STAU2: variants seen among roughly 807,000 people sequenced by gnomAD.
The protein encoded by STAU2 is staufen double-stranded RNA binding protein 2, also known as double-stranded RNA-binding protein Staufen homolog 2.
A neutral mutation model predicts 65.9 loss-of-function variants in STAU2; 20 were observed. The observed-to-expected ratio is 0.30, with a 90% CI of 0.21 to 0.44. The LOEUF is 0.44. Among genes scored for constraint, STAU2 ranks in the 20% least tolerant of loss-of-function variants. The pLI is 1.00. For synonymous variants in STAU2, 232 were observed against 233.9 expected, an observed-to-expected ratio of 0.99 and a Z score of 0.07; for missense variants, 558 against 683.9, an observed-to-expected ratio of 0.82 and a Z score of 2.05.
chr8:73,731,881 G>A (rs779783299), intron 3 of STAU2, among the ~76,000 whole-genome samples: 1 of 152,314 alleles, frequency 6.6e-6, no homozygotes, highest in East Asian at 1.9e-4. Flanking sequence ...AGAGGTTGCA[G>A]TGAGCTGAGA....
chr8:73,457,558 C>T (rs1051096130), intron 13 of STAU2, among the ~76,000 whole-genome samples: 3 of 152,178 alleles, frequency 2.0e-5, no homozygotes, highest in South Asian at 4.1e-4. Context: ...AAAGATATGC[C>T]GCCAAAATAA....
chr8:73,656,345 T>C (rs535614891), intron 6 of STAU2, among the ~76,000 whole-genome samples: 8 of 152,362 alleles, frequency 5.3e-5, no homozygotes, highest in African/African-American at 1.9e-4. Flanking sequence ...CACTGTGATC[T>C]ACCATCAGAA....
At chr8:73,479,708 T>TACA (rs200620247) in intron 13 of STAU2, among the ~76,000 whole-genome samples, 6 of 112,838 alleles carry the variant, frequency 5.3e-5, no homozygotes, top group South Asian at 4.3e-4. Flanking sequence ...TACACTTAAA[T>TACA]ATACGTGTGT....
In STAU2 at chr8:73,595,334, T is replaced by C. The variant is rs190761973; in HGVS notation, c.1030-37A>G. ...AAAGAAATAAATTAAAGAAATACATTTATGATAAATTTAAACAGGAAGTCC... is the reference window on the plus strand; with the variant it reads ...AAAGAAATAAATTAAAGAAATACATCTATGATAAATTTAAACAGGAAGTCC... On this transcript the variant is annotated intron_variant, in intron 10 of 14. Coordinates refer to ENST00000524300, the MANE Select transcript of STAU2 (RefSeq NM_001164380.2). The C allele has an allele frequency of 5.7e-3, 8,696 of 1,535,668 alleles. 38 individuals are homozygous for C. The highest frequency in any genetic ancestry group is 0.01 in the Middle Eastern group (55 of 5,352).
At chr8:73,640,773 G>C (rs1814901121) in intron 6 of STAU2, among the ~76,000 whole-genome samples, 1 of 152,110 alleles carries the variant, frequency 6.6e-6, no homozygotes, top group South Asian at 2.1e-4. Flanking sequence ...ATGAAAAGTA[G>C]TTACTAGAAA....
At chr8:73,589,206 C>G (rs925240435) in intron 11 of STAU2, among the ~76,000 whole-genome samples, 2 of 152,184 alleles carry the variant, frequency 1.3e-5, no homozygotes, top group African/African-American at 4.8e-5. Context: ...AATAACTAGA[C>G]TGATGCAACC....
chr8:73,606,738 G>C (rs1331121210), intron 9 of STAU2, among the ~76,000 whole-genome samples: 1 of 152,128 alleles, frequency 6.6e-6, no homozygotes, highest in African/African-American at 2.4e-5. Flanking sequence ...TTACCCAAGA[G>C]AAATGAAAGC....
intron 13 of STAU2, among the ~76,000 whole-genome samples, chr8:73,514,085 C>T (rs1236576612): frequency 6.6e-6 from 1 of 152,182 alleles, no homozygotes; most frequent in Non-Finnish European, 1.5e-5. Flanking sequence ...GGAATTTGTT[C>T]AGCTCTCACT....
chr8:73,433,370 A>G (rs886289862), intron 13 of STAU2, among the ~76,000 whole-genome samples: 6 of 151,200 alleles, frequency 4.0e-5, no homozygotes, highest in Non-Finnish European at 7.4e-5. Flanking sequence ...ACACCCAGCT[A>G]ATTTTTTGTA....
At chr8:73,692,489 C>A (rs546834031) in intron 4 of STAU2, among the ~76,000 whole-genome samples, 1 of 152,174 alleles carries the variant, frequency 6.6e-6, no homozygotes, top group Admixed American at 6.5e-5. Flanking sequence ...AGCCACCACG[C>A]CGGCCCTCCT....
chr8:73,739,716 A>G, intron 2 of STAU2, 40 bp downstream of exon 2: 2 of 1,462,206 alleles, frequency 1.4e-6, no homozygotes, highest in East Asian at 2.5e-5. Flanking sequence ...CGGCCTGGAT[A>G]TTGGTGAATT....
intron 13 of STAU2, among the ~76,000 whole-genome samples, chr8:73,536,410 T>C (rs1806185229): frequency 6.6e-6 from 1 of 152,076 alleles, no homozygotes; most frequent in South Asian, 2.1e-4. Context: ...TATAACAACA[T>C]ATAAATCTTT....
chr8:73,622,417 G>A (rs935287942), intron 6 of STAU2, among the ~76,000 whole-genome samples: 1 of 152,074 alleles, frequency 6.6e-6, no homozygotes, highest in African/African-American at 2.4e-5. Flanking sequence ...GAGCCACCAC[G>A]CCTGGCCAGG....
intron 6 of STAU2, among the ~76,000 whole-genome samples, chr8:73,618,480 A>G (rs954609805): frequency 4.6e-5 from 7 of 152,296 alleles, no homozygotes; most frequent in African/African-American, 1.4e-4. Context: ...AACTCGGAGG[A>G]AGCCTGTCTG....
At chr8:73,539,294 A>C (rs1337715130) in intron 13 of STAU2, among the ~76,000 whole-genome samples, 1 of 152,228 alleles carries the variant, frequency 6.6e-6, no homozygotes, top group Non-Finnish European at 1.5e-5. Context: ...ATAGACACCA[A>C]ACTCAATACA....
chr8:73,499,687 A>C (rs1242607014), intron 13 of STAU2, among the ~76,000 whole-genome samples: 1 of 151,878 alleles, frequency 6.6e-6, no homozygotes, highest in African/African-American at 2.4e-5. Flanking sequence ...AGTTGAGGAA[A>C]GGAAGAAAAC....
chr8:73,478,844 A>G (rs1820456609), intron 13 of STAU2, among the ~76,000 whole-genome samples: 1 of 152,202 alleles, frequency 6.6e-6, no homozygotes, highest in South Asian at 2.1e-4. Context: ...ACAGGTGGGT[A>G]GATGGATAAA....
intron 12 of STAU2, among the ~76,000 whole-genome samples, chr8:73,557,318 A>G (rs995660590): frequency 1.4e-4 from 22 of 152,242 alleles, no homozygotes; most frequent in Admixed American, 1.4e-3. Flanking sequence ...TAGAAATAGC[A>G]TAAAAACATA....
intron 13 of STAU2, among the ~76,000 whole-genome samples, chr8:73,452,727 C>A (rs1452449811): frequency 6.6e-6 from 1 of 152,190 alleles, no homozygotes; most frequent in East Asian, 1.9e-4. Flanking sequence ...TGTTTTACAT[C>A]TTTTAGTTGG....
Sources: allele counts gnomAD v4.1 joint callset (sites outside exome capture counted in the v4.1 genomes callset), GRCh38; gene constraint gnomAD v4.1.1; transcripts MANE v1.5; gene names NCBI Gene and HGNC (gene_info 2026-07-23, HGNC 2026-07-21).